The following MACROD2 variants were observed in gnomAD, a reference collection of about 807,000 sequenced individuals.
MACROD2 encodes mono-ADP ribosylhydrolase 2, also known as ADP-ribose glycohydrolase MACROD2.
Under a neutral mutation model 70.4 loss-of-function variants are expected in MACROD2, and 36 were observed. That is an observed-to-expected ratio of 0.51 (90% CI 0.39 to 0.68). MACROD2 has a LOEUF of 0.68. MACROD2 is among the 30% of genes least tolerant of loss of function. The pLI is 0.00. For missense variants in MACROD2, 496 were observed against 538.4 expected (o/e 0.92, Z 0.78); for synonymous variants, 172 against 178.8 (o/e 0.96, Z 0.30).
chr20:14,631,899 A>T (rs1366051485), intron 4 of MACROD2: 1 of 152,238 alleles, frequency 6.6e-6, no homozygotes, highest in Admixed American at 6.5e-5. Context: ...AACTTCAGGT[A>T]TGCTACTGCA....
intron 6 of MACROD2, among the ~76,000 whole-genome samples, chr20:15,326,203 A>G (rs967037222): frequency 6.6e-5 from 10 of 152,130 alleles, no homozygotes; most frequent in Non-Finnish European, 1.2e-4. Flanking sequence ...AAATGTCTTC[A>G]TAAATACTCA....
chr20:15,175,225 C>T (rs1043859947), intron 5 of MACROD2, among the ~76,000 whole-genome samples: 1 of 134,120 alleles, frequency 7.5e-6, no homozygotes, highest in Non-Finnish European at 1.5e-5. Context: ...GGGAATTGAA[C>T]AATGAGAACA....
chr20:15,189,308 A>G (rs2076554421), intron 5 of MACROD2, among the ~76,000 whole-genome samples: 1 of 151,692 alleles, frequency 6.6e-6, no homozygotes, highest in Admixed American at 6.6e-5. Context: ...AGAAATACTT[A>G]TAAGTGTATG....
intron 3 of MACROD2, among the ~76,000 whole-genome samples, chr20:14,195,885 A>G (rs1569201407): frequency 1.3e-5 from 2 of 152,188 alleles, no homozygotes. Flanking sequence ...CGATTCTTCC[A>G]GGACACCAAG....
At chr20:15,650,472 G>A (rs150602943) in intron 8 of MACROD2, among the ~76,000 whole-genome samples, 11 of 151,896 alleles carry the variant, frequency 7.2e-5, no homozygotes, top group African/African-American at 2.7e-4. Context: ...ATATTCTTTC[G>A]CTTGGCAAAC....
intron 5 of MACROD2, among the ~76,000 whole-genome samples, chr20:14,716,472 A>G (rs969674408): frequency 2.0e-5 from 3 of 152,164 alleles, no homozygotes; most frequent in South Asian, 2.1e-4. Context: ...GCTCCAGCCA[A>G]TTCTTAATTC....
At chr20:14,655,741 T>C (rs1307275488) in intron 4 of MACROD2, among the ~76,000 whole-genome samples, 1 of 152,182 alleles carries the variant, frequency 6.6e-6, no homozygotes, top group Non-Finnish European at 1.5e-5. Context: ...ATTAACATAA[T>C]AATCAAATAG....
intron 3 of MACROD2, among the ~76,000 whole-genome samples, chr20:14,397,342 A>G (rs1180684989): frequency 3.3e-5 from 5 of 152,068 alleles, no homozygotes; most frequent in African/African-American, 1.2e-4. Context: ...TTGAACATAC[A>G]TCTTGTTTGT....
chr20:15,935,956 G>A (rs1231788882), intron 11 of MACROD2, among the ~76,000 whole-genome samples: 1 of 152,108 alleles, frequency 6.6e-6, no homozygotes, highest in Non-Finnish European at 1.5e-5. Context: ...AGATCTAAAT[G>A]ATGAGATAGT....
chr20:14,281,038 T>G (rs1278355637), intron 3 of MACROD2, among the ~76,000 whole-genome samples: 1 of 152,190 alleles, frequency 6.6e-6, no homozygotes, highest in Non-Finnish European at 1.5e-5. Context: ...CATTTTTTAG[T>G]TTAGAAATGT....
chr20:14,446,661 G>A (rs1261659283), intron 3 of MACROD2, among the ~76,000 whole-genome samples: 2 of 152,022 alleles, frequency 1.3e-5, no homozygotes, highest in Non-Finnish European at 2.9e-5. Context: ...GGCAACTTGA[G>A]GCTAAAGGGT....
In MACROD2 at chr20:13,995,811, T is replaced by C; in HGVS notation, c.46+2T>C. 1 of 1,404,218 alleles carries C rather than the reference T, an allele frequency of 7.1e-7. No individual in the cohort carries two copies. The highest frequency in any genetic ancestry group is 3.7e-5 in the East Asian group (1 of 26,674). 87.0% of individuals were successfully genotyped at this position (1,404,218 alleles called of 1,614,324 possible). A position where few individuals can be genotyped will look rare whatever the true frequency, so the allele number is the denominator to read the frequency against. On this transcript the variant is annotated splice_donor_variant, in intron 1 of 17. Coordinates refer to ENST00000684519, the MANE Select transcript of MACROD2 (RefSeq NM_001351661.2). LOFTEE classifies it high-confidence loss of function. This position sits in a 1 kb window ranked among gnomAD's most constrained non-coding sequence, Gnocchi z 4.3. ...AAAAGGTGTGGAGAGAGGAGAAAGG[T>C]AACCGGCCCGTCGAGTCCTGGGGGT...
rs376606069 is a variant in MACROD2 at position 15,700,090 on chromosome 20, C to T, written c.646-162655C>T. Among the ~76,000 whole-genome samples the T allele has an allele frequency of 1.3e-3, 198 of 152,324 alleles. 1 individual carries two copies. The highest frequency in any genetic ancestry group is 0.012 in the South Asian group (56 of 4,830). ...CCCTTTCTCAGTTCCGCAGTTGGGG[C>T]ACTCAATATTTGGGGGTCTCTCGGG... On this transcript the variant is annotated intron_variant, in intron 8 of 17. Coordinates refer to ENST00000684519, the MANE Select transcript of MACROD2 (RefSeq NM_001351661.2).
intron 15 of MACROD2, among the ~76,000 whole-genome samples, chr20:15,997,050 C>A (rs1020973922): frequency 6.6e-6 from 1 of 152,060 alleles, no homozygotes; most frequent in Non-Finnish European, 1.5e-5. Flanking sequence ...CAATTCTGTT[C>A]TATTGGTCTG....
chr20:15,224,510 C>T (rs2076888466), intron 5 of MACROD2, among the ~76,000 whole-genome samples: 1 of 152,162 alleles, frequency 6.6e-6, no homozygotes, highest in Non-Finnish European at 1.5e-5. Context: ...ATTATTCTGT[C>T]TCTCTGGGTT....
At chr20:15,611,300 C>G (rs906081634) in intron 8 of MACROD2, among the ~76,000 whole-genome samples, 2 of 152,082 alleles carry the variant, frequency 1.3e-5, no homozygotes, top group Non-Finnish European at 2.9e-5. Flanking sequence ...AAAAAATGCC[C>G]AAAGATAACA....
At chr20:15,458,336 T>A (rs1013112) in intron 7 of MACROD2, among the ~76,000 whole-genome samples, 75,988 of 151,922 alleles carry the variant, frequency 0.5, 20,072 homozygotes, top group African/African-American at 0.66. Context: ...AATAGTGAGA[T>A]CACAGCCTCA....
At chr20:15,956,689 A>T (rs2065981653) in intron 12 of MACROD2, among the ~76,000 whole-genome samples, 1 of 152,176 alleles carries the variant, frequency 6.6e-6, no homozygotes, top group African/African-American at 2.4e-5. Flanking sequence ...CTTGTTAGAC[A>T]TGCAAATTCT....
chr20:14,923,846 C>A (rs2074195387), intron 5 of MACROD2, among the ~76,000 whole-genome samples: 1 of 151,244 alleles, frequency 6.6e-6, no homozygotes. Context: ...AAGAGAAGAA[C>A]CTCCATAAAG....
Sources: gnomAD v4.1 joint callset for allele counts (sites outside exome capture counted in the v4.1 genomes callset) on GRCh38, gnomAD v4.1.1 for gene constraint, Gnocchi (gnomAD v3.1) non-coding constraint, MANE v1.5 for transcripts, NCBI Gene and HGNC (gene_info 2026-07-23, HGNC 2026-07-21) for gene names.